The following TTC21B variants were observed in gnomAD, a reference collection of about 807,000 sequenced individuals.
TTC21B encodes tetratricopeptide repeat domain 21B.
In TTC21B, 127 loss-of-function variants were observed where a neutral mutation model predicts 175.1. That is an observed-to-expected ratio of 0.73 (90% CI 0.63 to 0.84). The LOEUF (loss-of-function observed/expected upper bound fraction) is 0.84. Ranked by LOEUF, TTC21B falls within the 40% of genes least tolerant of loss-of-function variation. The probability of loss-of-function intolerance (pLI) is 0.00; values close to 1 mark genes in which losing one functional copy is unlikely to be tolerated. For missense variants in TTC21B, 1,561 were observed against 1,558.3 expected (o/e 1.00, Z -0.03); for synonymous variants, 524 against 524.5 (o/e 1.00, Z 0.01).
At chr2:165,916,631 TA>T (rs1686185687) in intron 14 of TTC21B, among the ~76,000 whole-genome samples, 1 of 152,166 alleles carries the variant, frequency 6.6e-6, no homozygotes, top group South Asian at 2.1e-4. Context: ...TTTATGTGTA[TA>T]AATCTTTTTA....
rs749030495 is a variant in TTC21B at position 165,890,972 on chromosome 2, T to C, written c.2967A>G (p.Leu989=). Residue 989 remains leucine (L), a synonymous_variant, in exon 23 of 29, where the codon TTA becomes TTG. Coordinates refer to ENST00000243344, the MANE Select transcript of TTC21B (RefSeq NM_024753.5). The part of the protein sequence containing the change: ...LERKPDNYMT[L]SRLIDLLRRC... ...TTCTTAGGAGATCAATCAAACGAGA[T>C]AATGTCATATAATTATCTAGAAACA... The C allele has an allele frequency of 1.3e-5, 21 of 1,612,228 alleles. No individual in the cohort carries two copies. The highest frequency in any genetic ancestry group is 1.8e-5 in the Non-Finnish European group (21 of 1,178,602).
chr2:165,904,947 C>T (rs967607536), intron 19 of TTC21B, among the ~76,000 whole-genome samples: 1 of 152,078 alleles, frequency 6.6e-6, no homozygotes, highest in African/African-American at 2.4e-5. Context: ...GTAAGATCAT[C>T]CCTCTCAGAA....
intron 28 of TTC21B, among the ~76,000 whole-genome samples, chr2:165,875,598 T>TA (rs757614752): frequency 4.6e-5 from 7 of 152,168 alleles, no homozygotes; most frequent in Non-Finnish European, 5.9e-5. Flanking sequence ...GGTGATCATT[T>TA]ACTAGGGGAT....
At position 165,949,640 on chromosome 2, in the gene TTC21B, C is replaced by T; in HGVS notation, c.106G>A (p.Asp36Asn). 6.2e-7 allele frequency: 1 copy of T among 1,613,594 alleles called. No homozygotes were observed. Among genetic ancestry groups the T allele is most frequent in the Non-Finnish European group, 8.5e-7 (1 of 1,179,848 alleles). ...ASEGIKRYGSDPVFRFYHAYG... is the reference protein window; with the variant it reads ...ASEGIKRYGSNPVFRFYHAYG... ...GCATGATAAAACCTGAAGACTGGATCACTTCCATACCTCTTAATTCCTTCA... is the reference window on the plus strand; with the variant it reads ...GCATGATAAAACCTGAAGACTGGATTACTTCCATACCTCTTAATTCCTTCA... The change falls in exon 2 of 29, where the codon GAT (aspartate) becomes AAT (asparagine). Residue 36 changes from aspartate (D) to asparagine (N), a missense_variant. Transcript: ENST00000243344.
intron 11 of TTC21B, among the ~76,000 whole-genome samples, chr2:165,928,488 C>A (rs1686762524): frequency 6.6e-6 from 1 of 151,994 alleles, no homozygotes; most frequent in Admixed American, 6.6e-5. Context: ...GAGGCACAGA[C>A]AAAATAAAGA....
intron 6 of TTC21B, among the ~76,000 whole-genome samples, chr2:165,933,492 A>G (rs1686988714): frequency 6.6e-6 from 1 of 152,220 alleles, no homozygotes. Flanking sequence ...AAAATATTAC[A>G]TTAAAAAATC....
intron 22 of TTC21B, among the ~76,000 whole-genome samples, chr2:165,892,875 A>G (rs762806930): frequency 6.6e-6 from 1 of 152,302 alleles, no homozygotes; most frequent in Admixed American, 6.5e-5. Context: ...ATTTTGTGTT[A>G]TATATGTTTC....
rs934641832 is a variant in TTC21B at position 165,875,472 on chromosome 2, G to T, written c.3874-640C>A. Among the ~76,000 whole-genome samples, 8 of 152,034 alleles carry T rather than the reference G, an allele frequency of 5.3e-5. No individual in the cohort carries two copies. The South Asian group carries it at 1.7e-3, about 32-fold the overall frequency. The stretch of plus-strand genomic sequence containing the variant: ...AATTCTTTTCTAATGAACTTTTCTT[G>T]GAGGTCCTTACAATGTTTAATAGAA... On this transcript the variant is annotated intron_variant, in intron 28 of 28. Coordinates refer to ENST00000243344, the MANE Select transcript of TTC21B (RefSeq NM_024753.5).
chr2:165,930,732 GGTGTGTGT>G lies in TTC21B; in HGVS notation c.895-376_895-369del. Among the ~76,000 whole-genome samples, 1,058 of 110,772 alleles carry G rather than the reference GGTGTGTGT, an allele frequency of 9.6e-3. 12 individuals are homozygous for G. Among genetic ancestry groups the G allele is most frequent in the South Asian group, 0.024 (73 of 3,074 alleles). The allele number at this position is 110,772 out of a possible 152,430, so 72.7% of individuals were successfully genotyped here. A position where few individuals can be genotyped will look rare whatever the true frequency, so the allele number is the denominator to read the frequency against. ...TATTTTATGGTTACGTGGGTATGGG[GGTGTGTGT>G]GTGTGTGTGTGTGTGTGTGTGTGTG... On this transcript the variant is annotated intron_variant, in intron 8 of 28. Transcript: ENST00000243344.
chr2:165,900,227 G>A (rs189225366), intron 20 of TTC21B, among the ~76,000 whole-genome samples: 1 of 152,180 alleles, frequency 6.6e-6, no homozygotes, highest in East Asian at 1.9e-4. Context: ...TTTCTCATTT[G>A]TAAAATAAAA....
intron 13 of TTC21B, among the ~76,000 whole-genome samples, chr2:165,918,806 T>A (rs1686280192): frequency 6.6e-6 from 1 of 152,216 alleles, no homozygotes; most frequent in African/African-American, 2.4e-5. Flanking sequence ...TGTTTTTATA[T>A]CCTCAAACCA....
intron 16 of TTC21B, 134 bp downstream of exon 16, chr2:165,913,440 T>G: frequency 1.6e-6 from 1 of 639,018 alleles, no homozygotes; most frequent in Non-Finnish European, 2.8e-6. Flanking sequence ...TTAAAATGGA[T>G]ATCTCCCTTT....
chr2:165,915,216 T>C lies in TTC21B; in HGVS notation c.2123A>G (p.Tyr708Cys), dbSNP rs756694027. The change falls in exon 15 of 29, where the codon TAT becomes TGT. Residue 708 changes from tyrosine to cysteine, a missense_variant. Tyr to Cys is a radical substitution (Grantham distance 194). Transcript: ENST00000243344. ...YLKHRKDKML[Y>C]ITCFREIAER... Reference sequence around the variant, plus strand: ...AATTACTTACCTAAAACAAGTGATATATAACATTTTATCTTTTCTGTGCTT... The same window carrying C: ...AATTACTTACCTAAAACAAGTGATACATAACATTTTATCTTTTCTGTGCTT... The C allele has an allele frequency of 1.2e-5, 19 of 1,612,190 alleles. No individual in the cohort carries two copies. Among genetic ancestry groups the C allele is most frequent in the East Asian group, 2.2e-5 (1 of 44,872 alleles).
At chr2:165,939,598 C>T (rs1180362780) in intron 6 of TTC21B, among the ~76,000 whole-genome samples, 1 of 152,092 alleles carries the variant, frequency 6.6e-6, no homozygotes, top group African/African-American at 2.4e-5. Context: ...GTCACTGACA[C>T]ATAAATCATA....
chr2:165,900,300 A>C (rs1046741521), intron 20 of TTC21B, among the ~76,000 whole-genome samples: 10 of 152,214 alleles, frequency 6.6e-5, no homozygotes, highest in African/African-American at 2.4e-4. Context: ...CAACTCCTTT[A>C]GCCACCACTG....
chr2:165,917,441 G>T lies in TTC21B; in HGVS notation c.1715C>A (p.Ser572Ter), dbSNP rs369159801. 5 of 1,613,856 alleles carry T rather than the reference G, an allele frequency of 3.1e-6. No individual in the cohort carries two copies. The highest frequency in any genetic ancestry group is 4.2e-6 in the Non-Finnish European group (5 of 1,179,948). Reference protein sequence around the residue: ...YPLYHLIKAQSQKKMGEIADA... With the variant: ...YPLYHLIKAQ ...TGCTATTTCTCCCATTTTCTTTTGT[G>T]ACTGAGCTTTTATCAAATGGTATAA... is the stretch of plus-strand genomic sequence containing the variant. Residue 572 changes from serine (S) to a stop codon, truncating the protein, a stop_gained, in exon 14 of 29, where the codon TCA (serine) becomes TAA (stop). Transcript: ENST00000243344. LOFTEE classifies it high-confidence loss of function.
In TTC21B at chr2:165,931,773, G is replaced by A. The variant is rs770758427; in HGVS notation, c.879C>T (p.Leu293=). 15 of 1,613,068 alleles carry A rather than the reference G, an allele frequency of 9.3e-6. No individual in the cohort carries two copies. In the East Asian group the frequency reaches 1.6e-4, roughly 17 times the overall value. ...QNAQLFYNIT[L]AFSRTCGRSQ... is the part of the protein sequence containing the mutation. Reference sequence around the variant, plus strand: ...GCACTCTCACAGTTCTGCTGAAGGCGAGTGTAATGTTATAGAAAAGTTGAG... The same window carrying A: ...GCACTCTCACAGTTCTGCTGAAGGCAAGTGTAATGTTATAGAAAAGTTGAG... Residue 293 remains leucine (L), a synonymous_variant, in exon 8 of 29, where the codon CTC becomes CTT. Transcript: ENST00000243344.
rs1175745024 is a variant in TTC21B, at chr2:165,894,225, G to C, written c.2951-3237C>G. On this transcript the variant is annotated intron_variant, in intron 22 of 28. Coordinates refer to ENST00000243344, the MANE Select transcript of TTC21B (RefSeq NM_024753.5). Reference sequence around the variant, plus strand: ...GTTAACCAATTAGTATGAAGGAAGGGGAAAGCTCAAGGCGATCTGGAGATT... The same window carrying C: ...GTTAACCAATTAGTATGAAGGAAGGCGAAAGCTCAAGGCGATCTGGAGATT... 1.3e-5 allele frequency among the ~76,000 whole-genome samples: 2 copies of C among 152,076 alleles called. 1 individual carries two copies. The highest frequency in any genetic ancestry group is 4.8e-5 in the African/African-American group (2 of 41,416).
chr2:165,929,584 CTGAT>C (rs1401107686), intron 10 of TTC21B, 62 bp downstream of exon 10: 3 of 1,179,066 alleles, frequency 2.5e-6, no homozygotes, highest in African/African-American at 3.0e-5. Flanking sequence ...AACAATAAGA[CTGAT>C]TAATAATTTC....
Sources: allele counts gnomAD v4.1 joint callset (sites outside exome capture counted in the v4.1 genomes callset), GRCh38; gene constraint gnomAD v4.1.1; transcripts MANE v1.5; gene names NCBI Gene and HGNC (gene_info 2026-07-23, HGNC 2026-07-21).